The following ZNF208 variants were observed in gnomAD, a reference collection of about 807,000 sequenced individuals.
The protein encoded by ZNF208 is zinc finger protein 208.
In ZNF208, 10 loss-of-function variants were observed where a neutral mutation model predicts 12.1. That is an observed-to-expected ratio of 0.83 (90% CI 0.51 to 1.40). ZNF208 has a LOEUF of 1.40. ZNF208 is among the 40% of genes most tolerant of loss of function. The pLI is 0.00. For missense variants in ZNF208, 1,652 were observed against 1,485.0 expected, an observed-to-expected ratio of 1.11 and a Z score of -1.85; for synonymous variants, 497 against 488.4, an observed-to-expected ratio of 1.02 and a Z score of -0.23.
Position 21,971,441 on chromosome 19 carries a change from T to G in ZNF208, c.3593A>C (p.Lys1198Thr). Residue 1198 changes from lysine to threonine, a missense_variant, in exon 4 of 4, where the codon AAA becomes ACA. Coordinates refer to ENST00000397126, the MANE Select transcript of ZNF208 (RefSeq NM_007153.3). Reference sequence around the variant, plus strand: ...ATAGGCTTTGCCACATTCTTCACATTTGTAGAGTTTCTCTCCAGTATGAAT... The same window carrying G: ...ATAGGCTTTGCCACATTCTTCACATGTGTAGAGTTTCTCTCCAGTATGAAT... ...KVIHTGEKLY[K>T]CEECGKAYKW... The G allele has an allele frequency of 6.2e-7, 1 of 1,610,338 alleles. No individual in the cohort carries two copies. Among genetic ancestry groups the G allele is most frequent in the South Asian group, 1.1e-5 (1 of 91,012 alleles).
chr19:21,992,277 G>A (rs1271996045), intron 1 of ZNF208, among the ~76,000 whole-genome samples: 1 of 152,126 alleles, frequency 6.6e-6, no homozygotes, highest in Non-Finnish European at 1.5e-5. Flanking sequence ...ATGTCCTGAT[G>A]CACCCAGAAG....
At position 21,973,414 on chromosome 19, in the gene ZNF208, A is replaced by T. The variant is rs1204334017; in HGVS notation, c.1620T>A (p.Leu540=). The T allele has an allele frequency of 3.1e-6, 5 of 1,612,216 alleles. No individual in the cohort carries two copies. In the African/African-American group the frequency reaches 5.3e-5, roughly 17 times the overall value. Residue 540 remains leucine (L), a synonymous_variant, in exon 4 of 4, where the codon CTT becomes CTA. Coordinates refer to ENST00000397126, the MANE Select transcript of ZNF208 (RefSeq NM_007153.3). The part of the protein sequence containing the change: ...CGKSFSTFSI[L]TKHKVIHTGE... ...CAGTATGAATTACCTTATGTTTAGT[A>T]AGGATTGAGAATGTACTGAAGCTTT...
intron 1 of ZNF208, among the ~76,000 whole-genome samples, chr19:21,999,082 C>T (rs1444991092): frequency 3.8e-5 from 1 of 26,218 alleles, no homozygotes; most frequent in South Asian, 5.1e-4. Flanking sequence ...AAATTATATA[C>T]CTATAATTTA....
chr19:21,970,804 G>T lies in ZNF208; in HGVS notation c.*387C>A. ...TTCTCTCCAGCATGAATTTTCTTAT[G>T]TTTACTAAAGACTGAGAACCAGCTG... is the stretch of plus-strand genomic sequence containing the variant. On this transcript the variant is annotated 3_prime_UTR_variant, in exon 4 of 4. Coordinates refer to ENST00000397126, the MANE Select transcript of ZNF208 (RefSeq NM_007153.3). 6.9e-7 allele frequency: 1 copy of T among 1,455,336 alleles called. No homozygotes were observed. 90.2% of individuals were successfully genotyped at this position (1,455,336 alleles called of 1,614,324 possible).
Position 21,973,648 on chromosome 19 carries a change from A to G in ZNF208, c.1386T>C (p.Phe462=), listed in dbSNP as rs757903434. 3 of 1,575,368 alleles carry G rather than the reference A, an allele frequency of 1.9e-6. No individual in the cohort carries two copies. Among genetic ancestry groups the G allele is most frequent in the Non-Finnish European group, 1.7e-6 (2 of 1,147,752 alleles). ...PYKCEECGKG[F]SMFSILTKHK... is the part of the protein sequence containing the mutation. The stretch of plus-strand genomic sequence containing the variant: ...GTTTAGTAAGGATTGAGAACATACT[A>G]AAGCCTTTGCCACATTCTTCACATT... Residue 462 remains phenylalanine, a synonymous_variant, in exon 4 of 4, where the codon TTT becomes TTC. Coordinates refer to ENST00000397126, the MANE Select transcript of ZNF208 (RefSeq NM_007153.3).
At chr19:21,959,936 G>C (rs1970037687) in intron 4 of ZNF208, among the ~76,000 whole-genome samples, 1 of 152,074 alleles carries the variant, frequency 6.6e-6, no homozygotes, top group African/African-American at 2.4e-5. Context: ...AAAAATTTGA[G>C]CTCATATTTT....
intron 3 of ZNF208, among the ~76,000 whole-genome samples, chr19:21,976,544 G>C (rs1488895651): frequency 6.6e-6 from 1 of 152,084 alleles, no homozygotes; most frequent in African/African-American, 2.4e-5. Context: ...CAAATCAACA[G>C]ATATCTAATA....
chr19:21,941,574 CTTT>C (rs200054294), intron 4 of ZNF208: 8 of 338,038 alleles, frequency 2.4e-5, no homozygotes, highest in East Asian at 2.2e-4. Flanking sequence ...CATGCTTTAG[CTTT>C]TTTTTTTTTG....
chr19:21,974,939 C>T (rs762542044), intron 3 of ZNF208, 132 bp from the exon 4 acceptor site: 4 of 1,098,896 alleles, frequency 3.6e-6, no homozygotes, highest in Non-Finnish European at 4.9e-6. Flanking sequence ...GGCCCTAATT[C>T]TTCATAGACA....
At chr19:21,975,664 AT>A (rs1322698610) in intron 3 of ZNF208, among the ~76,000 whole-genome samples, 1 of 152,068 alleles carries the variant, frequency 6.6e-6, no homozygotes, top group Non-Finnish European at 1.5e-5. Flanking sequence ...TTAGCAATGG[AT>A]ATACTAATTT....
intron 4 of ZNF208, among the ~76,000 whole-genome samples, chr19:21,942,470 A>G (rs1253457522): frequency 6.6e-6 from 1 of 152,166 alleles, no homozygotes; most frequent in East Asian, 1.9e-4. Flanking sequence ...GGGTAAACAA[A>G]TCTCTTCTTG....
At chr19:21,980,995 T>C (rs138922932) in intron 3 of ZNF208, among the ~76,000 whole-genome samples, 2 of 152,010 alleles carry the variant, frequency 1.3e-5, no homozygotes, top group Non-Finnish European at 2.9e-5. Flanking sequence ...ACATACACCA[T>C]CCCAAGTCTA....
chr19:21,972,017 C>T lies in ZNF208; in HGVS notation c.3017G>A (p.Cys1006Tyr). The T allele has an allele frequency of 6.2e-7, 1 of 1,613,836 alleles. No individual in the cohort carries two copies. The highest frequency in any genetic ancestry group is 1.1e-5 in the South Asian group (1 of 91,036). Reference sequence around the variant, plus strand: ...TGATGACCAGTTGAAAGCTTTGCCACATTCTTCACATTTGTAGGGTTTCTC... The same window carrying T: ...TGATGACCAGTTGAAAGCTTTGCCATATTCTTCACATTTGTAGGGTTTCTC... ...TGEKPYKCEE[C>Y]GKAFNWSSNL... is the part of the protein sequence containing the mutation. Residue 1006 changes from cysteine to tyrosine, a missense_variant, in exon 4 of 4, where the codon TGT (cysteine) becomes TAT (tyrosine). Around this residue, in one of 3 missense-constraint regions of ZNF208, gnomAD observed 1,239 missense variants for 1,086.2 expected, o/e 1.14. Transcript: ENST00000397126.
rs1970670545 is a variant in ZNF208, at chr19:21,988,809, T to C, written c.104A>G (p.Glu35Gly). 1.7e-5 allele frequency: 28 copies of C among 1,614,186 alleles called. No homozygotes were observed. Among genetic ancestry groups the C allele is most frequent in the Non-Finnish European group, 1.9e-5 (22 of 1,179,994 alleles). ...CAGGAAGACCAGGTTTCTGTAGTTC[T>C]CTAACATCACATTTCTATATAAATT... ...QQNLYRNVML[E>G]NYRNLVFLGI... Residue 35 changes from glutamate to glycine, a missense_variant, in exon 2 of 4, where the codon GAG becomes GGG. By Grantham distance (98) the Glu-to-Gly change is moderately conservative. Around this residue, in one of 3 missense-constraint regions of ZNF208, gnomAD observed 410 missense variants for 378.2 expected, o/e 1.08. Coordinates refer to ENST00000397126, the MANE Select transcript of ZNF208 (RefSeq NM_007153.3).
At chr19:21,941,580 T>C (rs1969742893) in intron 4 of ZNF208, 2 of 393,966 alleles carry the variant, frequency 5.1e-6, no homozygotes, top group Non-Finnish European at 8.9e-6. Flanking sequence ...TTAGCTTTTT[T>C]TTTTTTGAGT....
At chr19:22,005,968 ACT>A (rs1300572705) in intron 1 of ZNF208, among the ~76,000 whole-genome samples, 1 of 151,704 alleles carries the variant, frequency 6.6e-6, no homozygotes, top group African/African-American at 2.4e-5. Context: ...CCAGGAAAAC[ACT>A]CTGCATATTT....
At position 21,974,692 on chromosome 19, in the gene ZNF208, T is replaced by A. The variant is rs1970394325; in HGVS notation, c.342A>T (p.Lys114Asn). The A allele has an allele frequency of 1.9e-6, 3 of 1,613,554 alleles. No homozygotes were observed. Among genetic ancestry groups the A allele is most frequent in the Non-Finnish European group, 2.5e-6 (3 of 1,179,756 alleles). The part of the protein sequence containing the change: ...EKCGHENLHL[K>N]IGYTNVDECK... Reference sequence around the variant, plus strand: ...ACTCATCCACATTGGTATAACCAATTTTTAAGTGTAAATTCTCATGTCCAC... The same window carrying A: ...ACTCATCCACATTGGTATAACCAATATTTAAGTGTAAATTCTCATGTCCAC... The change falls in exon 4 of 4, where the codon AAA (lysine) becomes AAT (asparagine). Residue 114 changes from lysine to asparagine, a missense_variant. By Grantham distance (94) the Lys-to-Asn change is moderately conservative. Transcript: ENST00000397126.
At chr19:21,940,157 G>C (rs1969711730) in intron 4 of ZNF208, 1 of 112,034 alleles carries the variant, frequency 8.9e-6, no homozygotes, top group African/African-American at 3.2e-5. Context: ...TAAGAGTAAA[G>C]AGCAATATTT....
At chr19:21,964,671 T>C (rs1309768120), downstream of ZNF208, among the ~76,000 whole-genome samples, 7 of 151,774 alleles carry the variant, frequency 4.6e-5, no homozygotes, top group Non-Finnish European at 1.0e-4. Context: ...TAAATTTTTA[T>C]ATTAAAATCT....
Sources: allele counts gnomAD v4.1 joint callset (sites outside exome capture counted in the v4.1 genomes callset), GRCh38; gene constraint gnomAD v4.1.1; regional missense constraint gnomAD v4.1.1; transcripts MANE v1.5; gene names NCBI Gene and HGNC (gene_info 2026-07-23, HGNC 2026-07-21).